Variants in CORO2A observed in about 807,000 individuals in gnomAD.
The protein encoded by CORO2A is coronin 2A.
Under a neutral mutation model 62.4 loss-of-function variants are expected in CORO2A, and 47 were observed. The ratio of observed to expected loss-of-function variants is 0.75; its 90% CI spans 0.60 to 0.96. The LOEUF is 0.96. CORO2A is among the 40% of genes least tolerant of loss of function. The probability of loss-of-function intolerance (pLI) is 0.00; values close to 1 mark genes in which losing one functional copy is unlikely to be tolerated. For missense variants in CORO2A, 610 were observed against 684.1 expected (o/e 0.89, Z 1.21); for synonymous variants, 273 against 268.9 (o/e 1.02, Z -0.15).
chr9:98,139,728 C>T (rs1370259829), intron 2 of CORO2A, among the ~76,000 whole-genome samples: 1 of 151,794 alleles, frequency 6.6e-6, no homozygotes, highest in Non-Finnish European at 1.5e-5. Context: ...CCTGGGAGGT[C>T]GAGGCTGCAG....
intron 3 of CORO2A, among the ~76,000 whole-genome samples, chr9:98,137,201 C>T (rs1380609153): frequency 1.3e-5 from 2 of 152,168 alleles, no homozygotes; most frequent in African/African-American, 4.8e-5. Flanking sequence ...CTCGCTTCCT[C>T]ACTATGGGAT....
At position 98,143,689 on chromosome 9, in the gene CORO2A, T is replaced by TA. The variant is rs1272608051; in HGVS notation, c.202-6002_202-6001insT. Among the ~76,000 whole-genome samples the TA allele has an allele frequency of 2.0e-5, 3 of 152,176 alleles. No homozygotes were observed. The East Asian group carries it at 5.8e-4, about 29-fold the overall frequency. On this transcript the variant is annotated intron_variant, in intron 2 of 11. Coordinates refer to ENST00000375077, the MANE Select transcript of CORO2A (RefSeq NM_052820.4). ...GCCAGGAGAAGCTCATCACAGCTCA[T>TA]TACCATTACCCAGTTTTATTGTTGC...
chr9:98,126,865 G>T, intron 10 of CORO2A, 42 bp from the exon 11 acceptor site: 1 of 1,609,476 alleles, frequency 6.2e-7, no homozygotes, highest in Non-Finnish European at 8.5e-7. Flanking sequence ...GGTGCCCACG[G>T]GAAGATGGGC....
At chr9:98,155,044 T>C (rs953397574) in intron 2 of CORO2A, among the ~76,000 whole-genome samples, 2 of 152,226 alleles carry the variant, frequency 1.3e-5, no homozygotes, top group Non-Finnish European at 2.9e-5. Flanking sequence ...ATCAGAAGTG[T>C]CTGATCGTTT....
chr9:98,129,950 C>T, intron 7 of CORO2A, 60 bp from the exon 8 acceptor site: 1 of 1,310,536 alleles, frequency 7.6e-7, no homozygotes, highest in Non-Finnish European at 1.1e-6. Flanking sequence ...ATCAGCTCAT[C>T]AGCAACCCAG....
At chr9:98,136,046 T>TA (rs1411175220) in intron 3 of CORO2A, among the ~76,000 whole-genome samples, 1 of 152,196 alleles carries the variant, frequency 6.6e-6, no homozygotes, top group Admixed American at 6.5e-5. Flanking sequence ...ACTGTGGGCA[T>TA]AGCTTCGGGG....
chr9:98,166,700 A>G (rs2417733), intron 1 of CORO2A, among the ~76,000 whole-genome samples: 32,548 of 152,198 alleles, frequency 0.21, 3,779 homozygotes, highest in East Asian at 0.42. Context: ...AGCAGGGTCT[A>G]GAAGAGATAT....
At chr9:98,156,752 A>T (rs1361782525) in intron 2 of CORO2A, among the ~76,000 whole-genome samples, 2 of 152,092 alleles carry the variant, frequency 1.3e-5, no homozygotes, top group Admixed American at 1.3e-4. Flanking sequence ...ATCTTTGTGG[A>T]TTCATATTTC....
rs754588887 is a variant in CORO2A at position 98,130,959 on chromosome 9, C to T, written c.866G>A (p.Gly289Glu). Residue 289 changes from glycine to glutamate, a missense_variant, in exon 7 of 12, where the codon GGG becomes GAG. Coordinates refer to ENST00000375077, the MANE Select transcript of CORO2A (RefSeq NM_052820.4). ...DADTSMLYVV[G>E]KGDGNIRYYE... ...TCCCTCCCGTGCCAAGCCGACCTTC[C>T]CCACCACGTAGAGCATGCTGGTGTC... is the stretch of plus-strand genomic sequence containing the variant. The T allele has an allele frequency of 1.1e-5, 17 of 1,613,270 alleles. No individual in the cohort carries two copies. Among genetic ancestry groups the T allele is most frequent in the Non-Finnish European group, 1.4e-5 (17 of 1,179,678 alleles).
In CORO2A at chr9:98,128,244, T is replaced by A. The variant is rs1266548012; in HGVS notation, c.1097A>T (p.Glu366Val). Residue 366 changes from glutamate to valine, a missense_variant, in exon 10 of 12, where the codon GAG becomes GTG. By Grantham distance (121) the Glu-to-Val change is moderately radical. Coordinates refer to ENST00000375077, the MANE Select transcript of CORO2A (RefSeq NM_052820.4). ...IVPRRSESYQ[E>V]DIYPPTAGAQ... is the part of the protein sequence containing the mutation. ...CCCTGCTGTTGGAGGGTATATGTCC[T>A]CTTGGTAGGATTCTGACTGCAGGAG... is the stretch of plus-strand genomic sequence containing the variant. The A allele has an allele frequency of 6.2e-7, 1 of 1,612,878 alleles. No homozygotes were observed. The highest frequency in any genetic ancestry group is 8.5e-7 in the Non-Finnish European group (1 of 1,179,204).
In CORO2A at chr9:98,124,684, G is replaced by C; in HGVS notation, c.*90C>G. 8.0e-7 allele frequency: 1 copy of C among 1,247,142 alleles called. No homozygotes were observed. Among genetic ancestry groups the C allele is most frequent in the Non-Finnish European group, 1.1e-6 (1 of 945,602 alleles). The allele number at this position is 1,247,142 out of a possible 1,614,324, so 77.3% of individuals were successfully genotyped here. A position where few individuals can be genotyped will look rare whatever the true frequency, so the allele number is the denominator to read the frequency against. On this transcript the variant is annotated 3_prime_UTR_variant, in exon 12 of 12. Coordinates refer to ENST00000375077, the MANE Select transcript of CORO2A (RefSeq NM_052820.4). Reference sequence around the variant, plus strand: ...TCTGGTAAAAAATATAGAAATAGTGGTTGTCCTTGAGGGGACTTGTGGTTT... The same window carrying C: ...TCTGGTAAAAAATATAGAAATAGTGCTTGTCCTTGAGGGGACTTGTGGTTT...
At chr9:98,152,092 C>T (rs558528387) in intron 2 of CORO2A, among the ~76,000 whole-genome samples, 28 of 151,402 alleles carry the variant, frequency 1.8e-4, no homozygotes, top group African/African-American at 6.5e-4. Flanking sequence ...GCTGAGATTA[C>T]AGGCATGAGC....
At chr9:98,143,582 G>A (rs931533451) in intron 2 of CORO2A, among the ~76,000 whole-genome samples, 4 of 152,178 alleles carry the variant, frequency 2.6e-5, no homozygotes, top group African/African-American at 4.8e-5. Flanking sequence ...CCTTATCTAC[G>A]AAATGACAAC....
intron 2 of CORO2A, among the ~76,000 whole-genome samples, chr9:98,156,989 T>C (rs1242903022): frequency 6.6e-6 from 1 of 152,186 alleles, no homozygotes; most frequent in Admixed American, 6.5e-5. Flanking sequence ...ACCAGTTGAA[T>C]ATCCACAATT....
chr9:98,172,595 G>A (rs1425266145), intron 1 of CORO2A: 1 of 152,420 alleles, frequency 6.6e-6, no homozygotes, highest in East Asian at 1.9e-4. Context: ...AGCGGGAAGT[G>A]GATGGGAAGT....
At chr9:98,138,343 G>A (rs1240486148) in intron 2 of CORO2A, among the ~76,000 whole-genome samples, 3 of 151,814 alleles carry the variant, frequency 2.0e-5, no homozygotes, top group Non-Finnish European at 2.9e-5. Flanking sequence ...CCTGGGAGGT[G>A]GAGGTTGCAG....
intron 9 of CORO2A, 117 bp downstream of exon 9, chr9:98,128,490 C>T (rs1170950373): frequency 9.7e-6 from 9 of 924,174 alleles, no homozygotes; most frequent in African/African-American, 3.3e-5. Context: ...TGAGAAAGGC[C>T]GCTCTGTGGC....
chr9:98,163,732 G>GTGTA (rs1827920439), intron 1 of CORO2A, among the ~76,000 whole-genome samples: 1 of 119,246 alleles, frequency 8.4e-6, no homozygotes, highest in Non-Finnish European at 1.9e-5. Context: ...GTGTGTGTAT[G>GTGTA]TGTGTGTGTG....
At chr9:98,190,666 T>G (rs1374058501) in intron 1 of CORO2A, among the ~76,000 whole-genome samples, 1 of 152,180 alleles carries the variant, frequency 6.6e-6, no homozygotes, top group Non-Finnish European at 1.5e-5. Flanking sequence ...TATTAGCAAT[T>G]AAAGTCATAG....
Sources: allele counts gnomAD v4.1 joint callset (sites outside exome capture counted in the v4.1 genomes callset), GRCh38; gene constraint gnomAD v4.1.1; transcripts MANE v1.5; gene names NCBI Gene and HGNC (gene_info 2026-07-23, HGNC 2026-07-21).